Variants in NFIB observed in about 807,000 individuals in gnomAD.
The protein encoded by NFIB is nuclear factor I B.
NFIB carries 11 observed loss-of-function variants against 61.5 expected under a neutral mutation model. That is an observed-to-expected ratio of 0.18 (90% CI 0.11 to 0.30). The LOEUF is 0.30. NFIB is among the 10% of genes least tolerant of loss of function. NFIB has a pLI of 1.00. For missense variants in NFIB, 471 were observed against 608.9 expected, an observed-to-expected ratio of 0.77 and a Z score of 2.38; for synonymous variants, 260 against 216.5, an observed-to-expected ratio of 1.20 and a Z score of -1.76.
At chr9:14,218,109 A>G (rs117350220) in intron 2 of NFIB, among the ~76,000 whole-genome samples, 6 of 152,300 alleles carry the variant, frequency 3.9e-5, no homozygotes, top group Non-Finnish European at 7.4e-5. Context: ...TTGCCTAGCA[A>G]GGGAATAAGA....
the NFIB span, among the ~76,000 whole-genome samples, chr9:14,424,984 C>CT: frequency 2.0e-5 from 3 of 152,118 alleles, no homozygotes; most frequent in East Asian, 3.9e-4. Context: ...ATCTCCCCCC[C>CT]TGGGCCTTTG....
intron 6 of NFIB, among the ~76,000 whole-genome samples, chr9:14,133,723 T>C (rs181525470): frequency 5.5e-4 from 83 of 152,240 alleles, no homozygotes; most frequent in Non-Finnish European, 9.7e-4. Context: ...AGTGTATGAG[T>C]GTTATGTAGA....
At chr9:14,387,896 G>C (rs2061567523) in intron 1 of NFIB, among the ~76,000 whole-genome samples, 1 of 152,152 alleles carries the variant, frequency 6.6e-6, no homozygotes, top group South Asian at 2.1e-4. Context: ...CGAGGAGGCT[G>C]CTCATAGCAG....
the NFIB span, among the ~76,000 whole-genome samples, chr9:14,440,108 A>C: frequency 6.6e-6 from 1 of 152,250 alleles, no homozygotes; most frequent in South Asian, 2.1e-4. Flanking sequence ...AGTGGTGACA[A>C]TGAGCTTGCT....
At chr9:14,300,030 C>T (rs2059665710) in intron 2 of NFIB, among the ~76,000 whole-genome samples, 1 of 152,238 alleles carries the variant, frequency 6.6e-6, no homozygotes. Context: ...CACAGACTCA[C>T]TCCTTACTAC....
intron 1 of NFIB, among the ~76,000 whole-genome samples, chr9:14,383,687 A>T (rs1000012506): frequency 2.0e-5 from 3 of 152,220 alleles, no homozygotes; most frequent in African/African-American, 7.2e-5. Context: ...CCATAAGAGA[A>T]TTTGATCACT....
intron 3 of NFIB, among the ~76,000 whole-genome samples, chr9:14,168,246 G>A (rs2045148151): frequency 6.6e-6 from 1 of 152,194 alleles, no homozygotes. Context: ...GACATTGTCT[G>A]TAGGTAGGCA....
At chr9:14,349,844 G>T (rs1305157057) in intron 1 of NFIB, among the ~76,000 whole-genome samples, 7 of 152,138 alleles carry the variant, frequency 4.6e-5, no homozygotes, top group Non-Finnish European at 8.8e-5. Flanking sequence ...AACGCTTCCC[G>T]CGCGGCAGTC....
At chr9:14,323,954 G>T (rs1202324880) in intron 1 of NFIB, among the ~76,000 whole-genome samples, 2 of 152,142 alleles carry the variant, frequency 1.3e-5, no homozygotes, top group Non-Finnish European at 2.9e-5. Context: ...TTTAGAAAAT[G>T]CCCAACTTTA....
At chr9:14,297,765 G>A (rs1275204127) in intron 2 of NFIB, among the ~76,000 whole-genome samples, 1 of 151,996 alleles carries the variant, frequency 6.6e-6, no homozygotes, top group African/African-American at 2.4e-5. Context: ...GTAACAGCTT[G>A]GATTTTAAAT....
intron 7 of NFIB, among the ~76,000 whole-genome samples, chr9:14,124,950 C>T (rs529489213): frequency 6.6e-6 from 1 of 152,244 alleles, no homozygotes; most frequent in East Asian, 1.9e-4. Flanking sequence ...TAGTGCCTTA[C>T]GTCTTAATGC....
intron 2 of NFIB, among the ~76,000 whole-genome samples, chr9:14,289,016 G>T (rs1016984030): frequency 4.0e-5 from 6 of 149,806 alleles, no homozygotes; most frequent in African/African-American, 1.5e-4. Context: ...CAAAATAAAA[G>T]GATTTAATAT....
At chr9:14,530,292 G>A in the NFIB span, among the ~76,000 whole-genome samples, 12 of 151,946 alleles carry the variant, frequency 7.9e-5, no homozygotes, top group African/African-American at 2.4e-4. Context: ...CCATGTACAC[G>A]CACAGTACTA....
the NFIB span, among the ~76,000 whole-genome samples, chr9:14,435,029 C>G: frequency 6.6e-6 from 1 of 152,212 alleles, no homozygotes; most frequent in South Asian, 2.1e-4. Flanking sequence ...CACTCACTCC[C>G]ATCTGATCAT....
chr9:14,418,607 C>G, the NFIB span, among the ~76,000 whole-genome samples: 1 of 152,170 alleles, frequency 6.6e-6, no homozygotes, highest in South Asian at 2.1e-4. Context: ...CCCTGTGTCT[C>G]TACATACTGG....
At chr9:14,127,522 G>T (rs1461705452) in intron 6 of NFIB, among the ~76,000 whole-genome samples, 1 of 151,944 alleles carries the variant, frequency 6.6e-6, no homozygotes, top group Non-Finnish European at 1.5e-5. Context: ...ATATAACTTT[G>T]CTTCTAAGTA....
chr9:14,153,766 T>C (rs1294101745), intron 4 of NFIB, among the ~76,000 whole-genome samples: 1 of 152,170 alleles, frequency 6.6e-6, no homozygotes, highest in Admixed American at 6.6e-5. Flanking sequence ...GATACACACA[T>C]AGTGTTGTGC....
At chr9:14,482,319 T>G in the NFIB span, among the ~76,000 whole-genome samples, 5 of 152,122 alleles carry the variant, frequency 3.3e-5, no homozygotes, top group Non-Finnish European at 7.4e-5. Context: ...TCATCATGCA[T>G]CTGTCCTAAA....
chr9:14,333,818 A>G (rs2060850420), intron 1 of NFIB, among the ~76,000 whole-genome samples: 1 of 152,200 alleles, frequency 6.6e-6, no homozygotes, highest in Admixed American at 6.5e-5. Context: ...ATCTTAAGAG[A>G]TGAAAAATTA....
Sources: allele counts gnomAD v4.1 joint callset (sites outside exome capture counted in the v4.1 genomes callset), GRCh38; gene constraint gnomAD v4.1.1; transcripts MANE v1.5; gene names NCBI Gene and HGNC (gene_info 2026-07-23, HGNC 2026-07-21).